The following ITPR1 variants were observed in gnomAD, a reference collection of about 807,000 sequenced individuals.
The protein encoded by ITPR1 is inositol 1,4,5-trisphosphate-gated calcium channel ITPR1.
A neutral mutation model predicts 318.4 loss-of-function variants in ITPR1; 96 were observed. The ratio of observed to expected loss-of-function variants is 0.30; its 90% CI spans 0.26 to 0.36. The LOEUF (loss-of-function observed/expected upper bound fraction) is 0.36. Among genes scored for constraint, ITPR1 ranks in the 10% least tolerant of loss-of-function variants. The pLI, the probability that ITPR1 is intolerant of heterozygous loss-of-function variation, is 1.00. For synonymous variants in ITPR1, 1,312 were observed against 1,289.9 expected, an observed-to-expected ratio of 1.02 and a Z score of -0.37; for missense variants, 2,440 against 3,460.2, an observed-to-expected ratio of 0.71 and a Z score of 7.40.
intron 59 of ITPR1, among the ~76,000 whole-genome samples, chr3:4,815,571 T>C (rs1470485860): frequency 6.6e-6 from 1 of 152,146 alleles, no homozygotes; most frequent in Non-Finnish European, 1.5e-5. Flanking sequence ...AGACAGCGTA[T>C]GTAACACTCC....
At position 4,800,535 on chromosome 3, in the gene ITPR1, A is replaced by G. The variant is rs753499808; in HGVS notation, c.7042A>G (p.Thr2348Ala). Residue 2348 changes from threonine (T) to alanine (A), a missense_variant, in exon 54 of 62, where the codon ACA becomes GCA. Around this residue, in one of 23 missense-constraint regions of ITPR1, gnomAD observed 126 missense variants for 150.8 expected, o/e 0.84. Coordinates refer to ENST00000649015, the MANE Select transcript of ITPR1 (RefSeq NM_001378452.1). ...TGGCATCCGGGCCTTAATTGCCTCCACAATTCTACGACTGATATTTTCAGT... is the reference window on the plus strand; with the variant it reads ...TGGCATCCGGGCCTTAATTGCCTCCGCAATTCTACGACTGATATTTTCAGT... ...PHGIRALIAS[T>A]ILRLIFSVGL... The G allele has an allele frequency of 1.2e-6, 2 of 1,614,022 alleles. No individual in the cohort carries two copies. The highest frequency in any genetic ancestry group is 1.7e-6 in the Non-Finnish European group (2 of 1,179,898).
chr3:4,683,861 T>C, intron 28 of ITPR1, 63 bp downstream of exon 28: 3 of 1,438,786 alleles, frequency 2.1e-6, no homozygotes, highest in Non-Finnish European at 2.9e-6. Flanking sequence ...CTAGGGAGCA[T>C]CCTCTTCTGG....
chr3:4,768,469 T>G (rs779690265), intron 45 of ITPR1, 42 bp from the exon 46 acceptor site: 1 of 1,562,574 alleles, frequency 6.4e-7, no homozygotes, highest in Non-Finnish European at 8.7e-7. Flanking sequence ...ATAGGGCCCA[T>G]GAGGACTCTG....
At chr3:4,685,270 A>T in intron 30 of ITPR1, 64 bp downstream of exon 30, 5 of 1,470,990 alleles carry the variant, frequency 3.4e-6, no homozygotes, top group Non-Finnish European at 3.6e-6. Flanking sequence ...GTTTCCCCAA[A>T]CTCTTCACAT....
At chr3:4,793,513 G>A (rs1167060325) in intron 52 of ITPR1, among the ~76,000 whole-genome samples, 4 of 152,156 alleles carry the variant, frequency 2.6e-5, no homozygotes, top group African/African-American at 7.2e-5. Flanking sequence ...TATCCAGATC[G>A]GAAATGGGCT....
chr3:4,700,304 C>A (rs2094626578), intron 35 of ITPR1, among the ~76,000 whole-genome samples: 1 of 152,208 alleles, frequency 6.6e-6, no homozygotes, highest in South Asian at 2.1e-4. Flanking sequence ...TGTGCTATTT[C>A]TGTCAGACTA....
At chr3:4,668,560 C>T (rs529175264) in intron 18 of ITPR1, among the ~76,000 whole-genome samples, 5 of 152,196 alleles carry the variant, frequency 3.3e-5, no homozygotes, top group African/African-American at 9.6e-5. Context: ...CTCCGCCTCC[C>T]GGGTTCAAGC....
chr3:4,830,654 C>T (rs996736362), intron 60 of ITPR1, among the ~76,000 whole-genome samples: 4 of 152,202 alleles, frequency 2.6e-5, no homozygotes, highest in African/African-American at 9.7e-5. Context: ...ATCACCTGAG[C>T]ATCCCTAGGC....
chr3:4,760,221 C>T (rs1300280678), intron 44 of ITPR1, among the ~76,000 whole-genome samples: 5 of 152,228 alleles, frequency 3.3e-5, no homozygotes, highest in Non-Finnish European at 5.9e-5. Context: ...TTGGCAATCT[C>T]CTAAGACTCT....
chr3:4,670,730 T>A lies in ITPR1; in HGVS notation c.2008T>A (p.Leu670Met). ...TTCCCTCCTCCTCTTGTTTTCTAGG[T>A]TGGTTCTTTCTCGTTTTGAATTTGA... ...TNADILIETK[L>M]VLSRFEFEGV... Residue 670 changes from leucine to methionine, a missense_variant and splice_region_variant, in exon 20 of 62, where the codon TTG becomes ATG. Around this residue, in one of 23 missense-constraint regions of ITPR1, gnomAD observed 478 missense variants for 696.3 expected, o/e 0.69. Transcript: ENST00000649015. The A allele has an allele frequency of 6.3e-7, 1 of 1,577,146 alleles. No individual in the cohort carries two copies. The highest frequency in any genetic ancestry group is 8.6e-7 in the Non-Finnish European group (1 of 1,157,922).
At position 4,629,036 on chromosome 3, in the gene ITPR1, G is replaced by C. The variant is rs1426736485; in HGVS notation, c.279+1158G>C. ...TGAAAAGCCCAGGCTCCTCACCTCA[G>C]GGAGCTTACAGTCCAGCATGAGGAC... On this transcript the variant is annotated intron_variant, in intron 5 of 61. Transcript: ENST00000649015. Among the ~76,000 whole-genome samples the C allele has an allele frequency of 2.0e-5, 3 of 149,292 alleles. No homozygotes were observed. In the South Asian group the frequency reaches 6.3e-4, roughly 31 times the overall value.
chr3:4,636,542 C>A (rs942408046), intron 5 of ITPR1, among the ~76,000 whole-genome samples: 1 of 152,180 alleles, frequency 6.6e-6, no homozygotes, highest in Non-Finnish European at 1.5e-5. Context: ...GATTCTCCTG[C>A]CTCAGCCTCC....
At chr3:4,569,132 T>C (rs1001512789) in intron 4 of ITPR1, among the ~76,000 whole-genome samples, 4 of 152,158 alleles carry the variant, frequency 2.6e-5, no homozygotes, top group Non-Finnish European at 4.4e-5. Flanking sequence ...ACTCTATGAA[T>C]GGGGCAGGTT....
chr3:4,695,797 A>G (rs1313627920), intron 33 of ITPR1, among the ~76,000 whole-genome samples: 1 of 152,152 alleles, frequency 6.6e-6, no homozygotes, highest in Non-Finnish European at 1.5e-5. Context: ...GCACCATGAT[A>G]GGTTTTTCAT....
At chr3:4,674,958 A>G (rs2125217267) in intron 22 of ITPR1, 110 bp from the exon 23 acceptor site, 1 of 594,114 alleles carries the variant, frequency 1.7e-6, no homozygotes, top group Non-Finnish European at 2.9e-6. Flanking sequence ...GCCTTCTCTT[A>G]CCATAAGGAA....
At chr3:4,711,229 A>C (rs1274921394) in intron 38 of ITPR1, among the ~76,000 whole-genome samples, 1 of 149,554 alleles carries the variant, frequency 6.7e-6, no homozygotes, top group Non-Finnish European at 1.5e-5. Context: ...AAAAAAAAAA[A>C]AAAAAAGAGA....
At chr3:4,549,560 C>CT (rs201434713) in intron 4 of ITPR1, among the ~76,000 whole-genome samples, 5 of 140,434 alleles carry the variant, frequency 3.6e-5, no homozygotes, top group African/African-American at 7.8e-5. Context: ...TTTCTTTTCT[C>CT]TTCTTTTTGA....
intron 30 of ITPR1, among the ~76,000 whole-genome samples, chr3:4,686,777 G>C (rs906442977): frequency 3.9e-5 from 6 of 152,174 alleles, no homozygotes; most frequent in Non-Finnish European, 7.3e-5. Flanking sequence ...ACACCACAAG[G>C]GTTCTTCACT....
At chr3:4,681,725 A>G (rs989429469) in intron 26 of ITPR1, among the ~76,000 whole-genome samples, 2 of 152,014 alleles carry the variant, frequency 1.3e-5, no homozygotes, top group African/African-American at 4.8e-5. Flanking sequence ...TTATTTTTAC[A>G]TAGTGAGGAA....
Sources: allele counts gnomAD v4.1 joint callset (sites outside exome capture counted in the v4.1 genomes callset), GRCh38; gene constraint gnomAD v4.1.1; regional missense constraint gnomAD v4.1.1; transcripts MANE v1.5; gene names NCBI Gene and HGNC (gene_info 2026-07-23, HGNC 2026-07-21).